The following RPS6KA2 variants were observed in gnomAD, a reference collection of about 807,000 sequenced individuals.
The protein encoded by RPS6KA2 is ribosomal protein S6 kinase A2.
A neutral mutation model predicts 91.8 loss-of-function variants in RPS6KA2; 42 were observed. The observed-to-expected ratio is 0.46, with a 90% CI of 0.36 to 0.59. The LOEUF is 0.59. Among genes scored for constraint, RPS6KA2 ranks in the 20% least tolerant of loss-of-function variants. RPS6KA2 has a pLI of 0.00. For synonymous variants in RPS6KA2, 414 were observed against 393.6 expected (o/e 1.05, Z -0.61); for missense variants, 798 against 978.5 (o/e 0.82, Z 2.46).
At chr6:166,489,207 C>T (rs1562529394) in intron 9 of RPS6KA2, among the ~76,000 whole-genome samples, 3 of 151,636 alleles carry the variant, frequency 2.0e-5, no homozygotes, top group African/African-American at 7.3e-5. Context: ...TATTAATAAA[C>T]ATTATTTAAT....
intron 2 of RPS6KA2, among the ~76,000 whole-genome samples, chr6:166,778,514 T>G (rs1340133856): frequency 1.3e-5 from 2 of 152,200 alleles, no homozygotes; most frequent in Non-Finnish European, 2.9e-5. Context: ...ACCTGTAATC[T>G]CAGCACTTTC....
At chr6:166,538,940 CT>C (rs377486327) in intron 1 of RPS6KA2, among the ~76,000 whole-genome samples, 156 bp from the exon 2 acceptor site, 5 of 148,902 alleles carry the variant, frequency 3.4e-5, no homozygotes, top group Non-Finnish European at 6.0e-5. Flanking sequence ...GTGTTTTTTT[CT>C]TTTTTTTTTC....
At chr6:166,760,504 G>C (rs754873434) in intron 2 of RPS6KA2, among the ~76,000 whole-genome samples, 1 of 152,172 alleles carries the variant, frequency 6.6e-6, no homozygotes, top group African/African-American at 2.4e-5. Flanking sequence ...CCCCCATCGC[G>C]GTCTGGTTTG....
chr6:166,439,091 G>T (rs1383122138), intron 14 of RPS6KA2, among the ~76,000 whole-genome samples: 2 of 103,914 alleles, frequency 1.9e-5, no homozygotes, highest in Admixed American at 2.3e-4. Flanking sequence ...ATTTTTTCTT[G>T]TCTTTATTTT....
At chr6:166,587,245 C>T (rs964266416) in intron 1 of RPS6KA2, among the ~76,000 whole-genome samples, 18 of 152,152 alleles carry the variant, frequency 1.2e-4, no homozygotes, top group Non-Finnish European at 2.5e-4. Flanking sequence ...CCCTACAGGC[C>T]CAAGAAAGGC....
chr6:166,558,711 A>C (rs1784249536), intron 1 of RPS6KA2, among the ~76,000 whole-genome samples: 1 of 152,176 alleles, frequency 6.6e-6, no homozygotes, highest in African/African-American at 2.4e-5. Context: ...GTTTTCCAGG[A>C]AAGTGGCAAA....
intron 1 of RPS6KA2, among the ~76,000 whole-genome samples, chr6:166,594,203 G>A (rs892021194): frequency 1.1e-4 from 17 of 152,194 alleles, no homozygotes; most frequent in Non-Finnish European, 2.1e-4. Context: ...TAAGTGATAT[G>A]AAACAGTTTC....
At chr6:166,593,107 T>C (rs1785410044) in intron 1 of RPS6KA2, among the ~76,000 whole-genome samples, 1 of 152,216 alleles carries the variant, frequency 6.6e-6, no homozygotes, top group South Asian at 2.1e-4. Flanking sequence ...AGCTTTCCGA[T>C]GCAGTGTGAG....
At chr6:166,831,181 C>T (rs1380415854) in intron 2 of RPS6KA2, among the ~76,000 whole-genome samples, 1 of 152,148 alleles carries the variant, frequency 6.6e-6, no homozygotes, top group African/African-American at 2.4e-5. Context: ...TCCCTGCCCC[C>T]ACCTCCTCCT....
At chr6:166,774,879 G>A (rs571317356) in intron 2 of RPS6KA2, among the ~76,000 whole-genome samples, 114 of 151,154 alleles carry the variant, frequency 7.5e-4, no homozygotes, top group Admixed American at 2.5e-3. Flanking sequence ...CCTCTGAGGA[G>A]TCGGATCCCC....
At chr6:166,862,183 C>T (rs1194345001) in exon 1 of RPS6KA2, 2 of 1,614,120 alleles carry the variant, frequency 1.2e-6, no homozygotes, top group Non-Finnish European at 1.7e-6. Flanking sequence ...TTAAACTTTC[C>T]TTTTCTGCTG....
intron 2 of RPS6KA2, among the ~76,000 whole-genome samples, chr6:166,764,354 G>A (rs1778250286): frequency 6.6e-6 from 1 of 152,178 alleles, no homozygotes; most frequent in African/African-American, 2.4e-5. Context: ...CTCTGCCCAG[G>A]GTGGCCGAGG....
Position 166,433,493 on chromosome 6 carries a change from C to T in RPS6KA2, c.1333-1003G>A, listed in dbSNP as rs925975861. Among the ~76,000 whole-genome samples, 16 of 152,210 alleles carry T rather than the reference C, an allele frequency of 1.1e-4. No individual in the cohort carries two copies. The highest frequency in any genetic ancestry group is 1.6e-4 in the Non-Finnish European group (11 of 68,014). ...TGCCGCCCCTGCTGTGGGGACGGGACCAGTGGGAGGAGGGCACCACACTCA... is the reference window on the plus strand; with the variant it reads ...TGCCGCCCCTGCTGTGGGGACGGGATCAGTGGGAGGAGGGCACCACACTCA... On this transcript the variant is annotated intron_variant, in intron 14 of 20. Transcript: ENST00000265678. This position sits in a 1 kb window ranked among gnomAD's most constrained non-coding sequence, Gnocchi z 4.4.
intron 2 of RPS6KA2, among the ~76,000 whole-genome samples, chr6:166,676,654 G>A (rs369629764): frequency 1.3e-4 from 20 of 152,096 alleles, no homozygotes; most frequent in East Asian, 1.9e-4. Context: ...CCGTGAGGCC[G>A]GGCATCAGAT....
chr6:166,779,662 T>C (rs1778714844), intron 2 of RPS6KA2, among the ~76,000 whole-genome samples: 1 of 152,218 alleles, frequency 6.6e-6, no homozygotes, highest in African/African-American at 2.4e-5. Flanking sequence ...GCACTTGCTC[T>C]GTGTCCTTAG....
upstream of RPS6KA2, among the ~76,000 whole-genome samples, chr6:166,630,162 T>C (rs970610248): frequency 2.0e-5 from 3 of 152,184 alleles, no homozygotes; most frequent in Non-Finnish European, 4.4e-5. Context: ...AACAGGGCAC[T>C]GTCAGGCAGC....
intron 3 of RPS6KA2, among the ~76,000 whole-genome samples, chr6:166,526,734 A>T (rs143137516): frequency 1.3e-4 from 20 of 152,318 alleles, no homozygotes. Context: ...TTTACATTAC[A>T]AAAAAATTAG....
intron 2 of RPS6KA2, among the ~76,000 whole-genome samples, chr6:166,649,728 T>C (rs1360664585): frequency 6.6e-6 from 1 of 152,178 alleles, no homozygotes; most frequent in African/African-American, 2.4e-5. Context: ...GTAGACCCAG[T>C]GAGCTGAAGA....
intron 2 of RPS6KA2, among the ~76,000 whole-genome samples, chr6:166,641,157 G>A (rs1787420965): frequency 1.3e-5 from 2 of 152,092 alleles, no homozygotes; most frequent in South Asian, 4.1e-4. Flanking sequence ...ATTTCTAAGG[G>A]GCATGAGCTC....
Sources: gnomAD v4.1 joint callset for allele counts (sites outside exome capture counted in the v4.1 genomes callset) on GRCh38, gnomAD v4.1.1 for gene constraint, Gnocchi (gnomAD v3.1) non-coding constraint, MANE v1.5 for transcripts, NCBI Gene and HGNC (gene_info 2026-07-23, HGNC 2026-07-21) for gene names.